The following SESN1 variants were observed in gnomAD, a reference collection of about 807,000 sequenced individuals.
SESN1 encodes the protein sestrin-1.
SESN1 carries 30 observed loss-of-function variants against 59.3 expected under a neutral mutation model. That is an observed-to-expected ratio of 0.51 (90% confidence interval 0.38 to 0.69). SESN1 has a LOEUF of 0.69. Ranked by LOEUF, SESN1 falls within the 30% of genes least tolerant of loss-of-function variation. The pLI, the probability that SESN1 is intolerant of heterozygous loss-of-function variation, is 0.00. For synonymous variants in SESN1, 197 were observed against 219.9 expected (o/e 0.90, Z 0.92); for missense variants, 566 against 673.0 (o/e 0.84, Z 1.76).
intron 1 of SESN1, among the ~76,000 whole-genome samples, chr6:109,024,469 G>A (rs766459612): frequency 2.6e-5 from 4 of 152,182 alleles, no homozygotes; most frequent in Admixed American, 6.5e-5. Context: ...TGACAGCACC[G>A]CCCTCTCCCA....
At chr6:109,071,890 G>A (rs1448410864) in intron 1 of SESN1, among the ~76,000 whole-genome samples, 2 of 152,134 alleles carry the variant, frequency 1.3e-5, no homozygotes, top group South Asian at 4.1e-4. Flanking sequence ...GGTCACTCTC[G>A]TTTTAGCAAT....
chr6:109,029,294 G>A (rs868251741), intron 1 of SESN1, among the ~76,000 whole-genome samples: 21 of 152,250 alleles, frequency 1.4e-4, no homozygotes, highest in African/African-American at 5.1e-4. Flanking sequence ...TAGAAATCAC[G>A]GGTTAAAACA....
At chr6:109,000,353 A>C in intron 4 of SESN1, 138 bp downstream of exon 4, 1 of 550,538 alleles carries the variant, frequency 1.8e-6, no homozygotes. Flanking sequence ...TAACAGAAGA[A>C]AATGTGCATC....
At chr6:109,041,403 C>T (rs1288860452) in intron 1 of SESN1, among the ~76,000 whole-genome samples, 8 of 152,156 alleles carry the variant, frequency 5.3e-5, no homozygotes, top group South Asian at 4.2e-4. Context: ...CTCAGTAAAT[C>T]TACCAAACAT....
At chr6:109,085,690 T>G (rs532084165) in intron 1 of SESN1, among the ~76,000 whole-genome samples, 1 of 152,206 alleles carries the variant, frequency 6.6e-6, no homozygotes, top group Non-Finnish European at 1.5e-5. Context: ...CTAGAAACAA[T>G]GTGTCAAAGT....
rs757998541 is a variant in SESN1 at position 109,093,956 on chromosome 6, G to T, written c.118C>A (p.Arg40Ser). The change falls in exon 1 of 10, where the codon CGT becomes AGT. Residue 40 changes from arginine to serine, a missense_variant. Coordinates refer to ENST00000436639, the MANE Select transcript of SESN1 (RefSeq NM_014454.3). ...CGATGAGGTGTTTCTTTCACCGAAC[G>T]AAGATACTCGGTTTTCCTCAAAATG... Reference protein sequence around the residue: ...QTILRKTEYLRSVKETPHRPS... With the variant: ...QTILRKTEYLSSVKETPHRPS... The T allele has an allele frequency of 6.2e-7, 1 of 1,614,188 alleles. No individual in the cohort carries two copies. The highest frequency in any genetic ancestry group is 8.5e-7 in the Non-Finnish European group (1 of 1,180,036).
intron 1 of SESN1, among the ~76,000 whole-genome samples, chr6:109,084,397 C>T (rs1055244219): frequency 6.6e-6 from 1 of 152,074 alleles, no homozygotes; most frequent in East Asian, 1.9e-4. Flanking sequence ...CCCATCTCTA[C>T]TAAAAATATA....
intron 1 of SESN1, among the ~76,000 whole-genome samples, chr6:109,086,755 AATAACTATG>A (rs112954311): frequency 0.15 from 23,027 of 152,166 alleles, 1,975 homozygotes; most frequent in Middle Eastern, 0.24. Context: ...TTGTAAACAA[AATAACTATG>A]TTAGAAAAAT....
rs9717835 is a variant in SESN1, at chr6:109,046,757, T to C, written c.280-44414A>G. On this transcript the variant is annotated intron_variant, in intron 1 of 9. Transcript: ENST00000436639. ...GCCGCCCCATCTGGGTTGTGAGGAGTGCCTCTGCCCGGCCGAGACCCCGTC... is the reference window on the plus strand; with the variant it reads ...GCCGCCCCATCTGGGTTGTGAGGAGCGCCTCTGCCCGGCCGAGACCCCGTC... Among the ~76,000 whole-genome samples, 935 of 110,854 alleles carry C rather than the reference T, an allele frequency of 8.4e-3. 7 individuals carry two copies. The highest frequency in any genetic ancestry group is 0.019 in the African/African-American group (554 of 29,134). 72.7% of individuals were successfully genotyped at this position (110,854 alleles called of 152,430 possible).
intron 1 of SESN1, among the ~76,000 whole-genome samples, chr6:109,034,316 T>C (rs1193418432): frequency 6.6e-6 from 1 of 152,222 alleles, no homozygotes; most frequent in Non-Finnish European, 1.5e-5. Flanking sequence ...GTATAATTAC[T>C]TCTCTCAATT....
intron 1 of SESN1, among the ~76,000 whole-genome samples, chr6:109,035,028 G>A (rs896996117): frequency 1.3e-5 from 2 of 152,066 alleles, no homozygotes; most frequent in Non-Finnish European, 2.9e-5. Context: ...TTCTTAATAG[G>A]TTTTTTCCTC....
chr6:109,056,206 A>C (rs548158328), intron 1 of SESN1, among the ~76,000 whole-genome samples: 3 of 152,286 alleles, frequency 2.0e-5, no homozygotes, highest in Admixed American at 6.5e-5. Context: ...CAGGAGTTTG[A>C]GACCAGCCTT....
intron 1 of SESN1, among the ~76,000 whole-genome samples, chr6:109,061,841 GT>G (rs1161022818): frequency 6.6e-6 from 1 of 152,122 alleles, no homozygotes; most frequent in Non-Finnish European, 1.5e-5. Flanking sequence ...TATTTATTTA[GT>G]TTTTACTATG....
At chr6:109,092,411 C>T (rs1331265107) in intron 1 of SESN1, among the ~76,000 whole-genome samples, 1 of 152,154 alleles carries the variant, frequency 6.6e-6, no homozygotes, top group African/African-American at 2.4e-5. Flanking sequence ...TACTATGCTC[C>T]CCAGAGCCTG....
intron 1 of SESN1, among the ~76,000 whole-genome samples, chr6:109,067,937 C>A (rs1780863107): frequency 6.6e-6 from 1 of 152,298 alleles, no homozygotes; most frequent in South Asian, 2.1e-4. Flanking sequence ...GAGGCACTAA[C>A]AAATTGGAGG....
chr6:109,012,884 G>T (rs1021694923), intron 1 of SESN1, among the ~76,000 whole-genome samples: 1 of 152,088 alleles, frequency 6.6e-6, no homozygotes, highest in Non-Finnish European at 1.5e-5. Context: ...GGAGGCCGAG[G>T]CAGGGCGGAT....
At chr6:109,077,229 T>C (rs926664233) in intron 1 of SESN1, among the ~76,000 whole-genome samples, 3 of 152,180 alleles carry the variant, frequency 2.0e-5, no homozygotes, top group Non-Finnish European at 2.9e-5. Flanking sequence ...TTTTTCCCCA[T>C]TGATTTTGTT....
At chr6:108,989,415 A>G (rs1370131797) in intron 8 of SESN1, among the ~76,000 whole-genome samples, 1 of 149,662 alleles carries the variant, frequency 6.7e-6, no homozygotes, top group Non-Finnish European at 1.5e-5. Context: ...AGATATCTCT[A>G]GATCTAGAGA....
intron 1 of SESN1, among the ~76,000 whole-genome samples, chr6:109,024,910 G>GT (rs2114379353): frequency 6.6e-6 from 1 of 152,334 alleles, no homozygotes; most frequent in East Asian, 1.9e-4. Context: ...AGACCTGTGT[G>GT]TAAGAAATAT....
Sources: gnomAD v4.1 joint callset for allele counts (sites outside exome capture counted in the v4.1 genomes callset) on GRCh38, gnomAD v4.1.1 for gene constraint, MANE v1.5 for transcripts, NCBI Gene and HGNC (gene_info 2026-07-23, HGNC 2026-07-21) for gene names.